The following FILIP1L variants were observed in gnomAD, a reference collection of about 807,000 sequenced individuals.
FILIP1L encodes filamin A interacting protein 1 like.
In FILIP1L, 55 loss-of-function variants were observed where a neutral mutation model predicts 96.6. That is an observed-to-expected ratio of 0.57 (90% confidence interval 0.46 to 0.71). The LOEUF (loss-of-function observed/expected upper bound fraction) is 0.71, where lower values mean the gene tolerates loss of function less well. Ranked by LOEUF, FILIP1L falls within the 30% of genes least tolerant of loss-of-function variation. The probability of loss-of-function intolerance (pLI) is 0.00; values close to 1 mark genes in which losing one functional copy is unlikely to be tolerated. For synonymous variants in FILIP1L, 467 were observed against 473.9 expected, an observed-to-expected ratio of 0.99 and a Z score of 0.19; for missense variants, 1,304 against 1,321.2, an observed-to-expected ratio of 0.99 and a Z score of 0.20.
chr3:99,901,948 GATA>G (rs1191685236), intron 4 of FILIP1L, among the ~76,000 whole-genome samples: 1 of 152,048 alleles, frequency 6.6e-6, no homozygotes, highest in Non-Finnish European at 1.5e-5. Flanking sequence ...ATGTGTTGCT[GATA>G]ATGATGCCAA....
chr3:99,977,138 T>G (rs1256883919), intron 1 of FILIP1L, among the ~76,000 whole-genome samples: 1 of 152,188 alleles, frequency 6.6e-6, no homozygotes. Context: ...CATGGAGGGA[T>G]GAAGCAACCT....
rs1491348077 is a variant in FILIP1L at position 100,109,903 on chromosome 3, A to ACCG, written c.-11+4149_-11+4150insCGG. The ACCG allele has an allele frequency of 3.1e-3, 223 of 72,368 alleles. 3 individuals are homozygous for ACCG. Among genetic ancestry groups the ACCG allele is most frequent in the African/African-American group, 0.012 (204 of 17,630 alleles). The allele number at this position is 72,368 out of a possible 1,614,324, so 4.5% of individuals were successfully genotyped here. A position where few individuals can be genotyped will look rare whatever the true frequency, so the allele number is the denominator to read the frequency against. Reference sequence around the variant, plus strand: ...TGCATCTGCAAATGTTTCTTTTATGACCCCCCCCCCCCAGCACCACCCCCC... The same window carrying ACCG: ...TGCATCTGCAAATGTTTCTTTTATGACCGCCCCCCCCCCCCAGCACCACCCCCC... On this transcript the variant is annotated intron_variant, in intron 1 of 5. Coordinates refer to ENST00000477258, the MANE Select transcript of FILIP1L (RefSeq NM_001387850.1).
chr3:99,986,715 C>G (rs1330600986), intron 1 of FILIP1L, among the ~76,000 whole-genome samples: 6 of 152,004 alleles, frequency 3.9e-5, no homozygotes, highest in African/African-American at 1.4e-4. Context: ...TTCCTCTAGT[C>G]TAGTGGCCCT....
intron 4 of FILIP1L, among the ~76,000 whole-genome samples, chr3:99,915,871 T>C (rs1371635022): frequency 6.6e-6 from 1 of 152,242 alleles, no homozygotes; most frequent in African/African-American, 2.4e-5. Context: ...TTGAAAACTC[T>C]TATTAATTGT....
At chr3:99,873,670 G>A (rs771920500) in intron 4 of FILIP1L, among the ~76,000 whole-genome samples, 3 of 151,908 alleles carry the variant, frequency 2.0e-5, no homozygotes, top group Non-Finnish European at 2.9e-5. Flanking sequence ...GCACTTTTTT[G>A]GAGGGGAAAT....
At chr3:100,016,607 T>G (rs144702183) in intron 1 of FILIP1L, among the ~76,000 whole-genome samples, 2 of 152,318 alleles carry the variant, frequency 1.3e-5, no homozygotes, top group African/African-American at 4.8e-5. Flanking sequence ...ACCTTGAAAC[T>G]AAAATACTTT....
At chr3:100,110,073 C>T (rs1198420362) in intron 1 of FILIP1L, 3 of 149,602 alleles carry the variant, frequency 2.0e-5, no homozygotes, top group African/African-American at 5.0e-5. Flanking sequence ...CACTAATACA[C>T]CCCTGGTAGC....
At chr3:99,872,643 T>G (rs1268664107) in intron 4 of FILIP1L, among the ~76,000 whole-genome samples, 1 of 152,054 alleles carries the variant, frequency 6.6e-6, no homozygotes, top group Non-Finnish European at 1.5e-5. Flanking sequence ...TTTATCATAT[T>G]TTGGAGCCAG....
chr3:99,979,711 C>G (rs1709065752), intron 1 of FILIP1L, among the ~76,000 whole-genome samples: 1 of 151,922 alleles, frequency 6.6e-6, no homozygotes, highest in African/African-American at 2.4e-5. Context: ...ATTTTTACAC[C>G]AACATTTATG....
At chr3:100,014,469 A>AAG (rs1710260132) in intron 1 of FILIP1L, among the ~76,000 whole-genome samples, 1 of 152,128 alleles carries the variant, frequency 6.6e-6, no homozygotes, top group Non-Finnish European at 1.5e-5. Flanking sequence ...AACAGTGTAT[A>AAG]AGAGTTCCCT....
chr3:99,995,357 T>A (rs367543308), intron 1 of FILIP1L, among the ~76,000 whole-genome samples: 1 of 152,212 alleles, frequency 6.6e-6, no homozygotes, highest in East Asian at 1.9e-4. Flanking sequence ...AGAGGTGGGT[T>A]CCCATGGTCT....
chr3:99,946,015 T>C (rs1371839823), intron 1 of FILIP1L, among the ~76,000 whole-genome samples: 1 of 152,218 alleles, frequency 6.6e-6, no homozygotes, highest in East Asian at 1.9e-4. Flanking sequence ...AGTTGGTAGA[T>C]GTATTTCTAG....
intron 1 of FILIP1L, among the ~76,000 whole-genome samples, chr3:99,982,956 G>A (rs374484833): frequency 2.0e-5 from 3 of 152,102 alleles, no homozygotes; most frequent in South Asian, 2.1e-4. Flanking sequence ...AGTGCTGTAC[G>A]AAAATGTGTA....
At chr3:100,104,269 G>A (rs1312219286) in intron 1 of FILIP1L, among the ~76,000 whole-genome samples, 1 of 152,146 alleles carries the variant, frequency 6.6e-6, no homozygotes, top group East Asian at 1.9e-4. Flanking sequence ...CCCCTTTGTG[G>A]GATGGCTCAC....
intron 4 of FILIP1L, among the ~76,000 whole-genome samples, chr3:99,881,383 G>GA (rs1199737031): frequency 6.6e-6 from 1 of 151,538 alleles, no homozygotes; most frequent in Non-Finnish European, 1.5e-5. Flanking sequence ...CTGCAGAAGT[G>GA]AAAAAAAACC....
intron 5 of FILIP1L, among the ~76,000 whole-genome samples, chr3:99,838,426 T>A (rs1209432294): frequency 6.6e-6 from 1 of 152,142 alleles, no homozygotes; most frequent in Non-Finnish European, 1.5e-5. Context: ...TCAGTGTGGG[T>A]CTTACTTCAC....
chr3:100,020,744 A>C (rs1273949044), intron 1 of FILIP1L, among the ~76,000 whole-genome samples: 1 of 150,454 alleles, frequency 6.6e-6, no homozygotes. Flanking sequence ...TTTTTTAGAA[A>C]GTAATGAATA....
chr3:100,015,524 T>C (rs533780836), intron 1 of FILIP1L, among the ~76,000 whole-genome samples: 66 of 152,368 alleles, frequency 4.3e-4, no homozygotes, highest in African/African-American at 1.5e-3. Context: ...ACACAGGATA[T>C]CTTTCCATTT....
intron 1 of FILIP1L, among the ~76,000 whole-genome samples, chr3:99,958,404 CT>C (rs1287846329): frequency 6.6e-6 from 1 of 151,982 alleles, no homozygotes; most frequent in East Asian, 1.9e-4. Flanking sequence ...CATGAAAAAG[CT>C]GCTACAGTGG....
Sources: allele counts gnomAD v4.1 joint callset (sites outside exome capture counted in the v4.1 genomes callset), GRCh38; gene constraint gnomAD v4.1.1; transcripts MANE v1.5; gene names NCBI Gene and HGNC (gene_info 2026-07-23, HGNC 2026-07-21).